MADD: variants seen among roughly 807,000 people sequenced by gnomAD.
The protein encoded by MADD is MAP kinase-activating death domain protein.
MADD carries 109 observed loss-of-function variants against 176.7 expected under a neutral mutation model. The ratio of observed to expected loss-of-function variants is 0.62; its 90% CI spans 0.53 to 0.72. The LOEUF is 0.72. Ranked by LOEUF, MADD falls within the 30% of genes least tolerant of loss-of-function variation. The probability of loss-of-function intolerance (pLI) is 0.00; values close to 1 mark genes in which losing one functional copy is unlikely to be tolerated. For missense variants in MADD, 1,914 were observed against 2,045.5 expected, an observed-to-expected ratio of 0.94 and a Z score of 1.24; for synonymous variants, 771 against 771.3, an observed-to-expected ratio of 1.00 and a Z score of 0.01.
chr11:47,284,871 G>A, intron 12 of MADD, 70 bp from the exon 13 acceptor site: 1 of 1,588,498 alleles, frequency 6.3e-7, no homozygotes, highest in East Asian at 2.2e-5. Context: ...GTCCAGCCCT[G>A]CCAAACTGGG....
chr11:47,283,788 G>T (rs1195642679), intron 10 of MADD, among the ~76,000 whole-genome samples: 1 of 151,854 alleles, frequency 6.6e-6, no homozygotes, highest in South Asian at 2.1e-4. Context: ...GGCCAGGCTG[G>T]TTTCAAACTC....
chr11:47,329,023 C>T, intron 32 of MADD, 23 bp from the exon 37 acceptor site: 2 of 1,563,316 alleles, frequency 1.3e-6, no homozygotes, highest in South Asian at 1.1e-5. Flanking sequence ...GTATCGTGAT[C>T]CGCCTGGTTT....
At chr11:47,292,687 A>C in intron 19 of MADD, 91 bp downstream of exon 21, 2 of 1,308,076 alleles carry the variant, frequency 1.5e-6, no homozygotes, top group Non-Finnish European at 1.1e-6. Context: ...TGTCAGCCCC[A>C]CCCCAAATTT....
At chr11:47,270,625 T>G (rs1441603163) in intron 1 of MADD, 2 of 152,170 alleles carry the variant, frequency 1.3e-5, no homozygotes, top group Non-Finnish European at 2.9e-5. Context: ...TTGCGCCTTA[T>G]TTTTGGCTAG....
exon 33 of MADD, chr11:47,329,181 A>G: frequency 6.5e-7 from 1 of 1,547,032 alleles, no homozygotes; most frequent in South Asian, 1.1e-5. Flanking sequence ...GCCCCAGCCC[A>G]GGGCACGCCC....
chr11:47,284,190 T>C lies in MADD; in HGVS notation c.1875T>C (p.Ser625=), dbSNP rs1052762916. 3 of 1,613,132 alleles carry C rather than the reference T, an allele frequency of 1.9e-6. No individual in the cohort carries two copies. The African/African-American group carries it at 4.0e-5, about 22-fold the overall frequency. ...CTTCACTCTGCAGTGGCAGTGATAG[T>C]ATGGATTATGACGATTCAAGCTCTT... The change falls in exon 11 of 33, where the codon AGT becomes AGC. Residue 625 remains serine (S), a synonymous_variant. Coordinates refer to ENST00000402192, the Ensembl canonical transcript of MADD.
chr11:47,278,228 G>A (rs773680314), exon 6 of MADD: 1 of 1,614,062 alleles, frequency 6.2e-7, no homozygotes, highest in South Asian at 1.1e-5. Context: ...CTACAAACTG[G>A]ACTTCAAAAT....
intron 20 of MADD, among the ~76,000 whole-genome samples, chr11:47,294,390 G>T (rs2068514867): frequency 6.8e-6 from 1 of 147,182 alleles, no homozygotes; most frequent in African/African-American, 2.5e-5. Flanking sequence ...ATAGCCAGGT[G>T]CGGTGGTTCA....
rs186863643 is a variant in MADD at position 47,323,380 on chromosome 11, A to G, written c.4198-291A>G. Among the ~76,000 whole-genome samples the G allele has an allele frequency of 2.5e-3, 386 of 152,042 alleles. 4 individuals are homozygous for G. Among genetic ancestry groups the G allele is most frequent in the African/African-American group, 8.8e-3 (365 of 41,442 alleles). ...GCCACTGCAGTCAAGCCTGGGGTAC[A>G]AAGTGAGACCCTGTCTCAAAAAAAA... is the stretch of plus-strand genomic sequence containing the variant. On this transcript the variant is annotated intron_variant, in intron 27 of 32. Transcript: ENST00000402192.
At chr11:47,282,647 CCTTGT>C (rs2057770830) in intron 9 of MADD, 31 bp downstream of exon 9, 1 of 1,606,698 alleles carries the variant, frequency 6.2e-7, no homozygotes, top group Admixed American at 1.7e-5. Context: ...CTCCGCTCTG[CCTTGT>C]GCCTCTGTCC....
rs549337843 is a variant in MADD, at chr11:47,295,023, T to G, written c.3403-473T>G. ...CATTGTTTTTTGTTTTTTTGTTTTT[T>G]TTTTTGAGACAGGGTCTCATTCTGT... On this transcript the variant is annotated intron_variant, in intron 20 of 32. Transcript: ENST00000402192. 1.6e-3 allele frequency among the ~76,000 whole-genome samples: 244 copies of G among 151,950 alleles called. 1 individual carries two copies. The highest frequency in any genetic ancestry group is 5.8e-3 in the African/African-American group (240 of 41,442).
intron 31 of MADD, chr11:47,328,369 C>A: frequency 7.4e-7 from 1 of 1,344,528 alleles, no homozygotes; most frequent in East Asian, 3.1e-5. Flanking sequence ...CCCGTCCCTC[C>A]CATCCAGGGC....
intron 22 of MADD, among the ~76,000 whole-genome samples, chr11:47,303,562 C>G (rs1379196607): frequency 6.8e-6 from 1 of 147,492 alleles, no homozygotes; most frequent in African/African-American, 2.5e-5. Context: ...TTAGAATTCT[C>G]TCTTTGACTT....
intron 26 of MADD, among the ~76,000 whole-genome samples, chr11:47,314,670 T>TAA (rs2092102390): frequency 6.6e-6 from 1 of 152,180 alleles, no homozygotes; most frequent in African/African-American, 2.4e-5. Context: ...TACGTCTATT[T>TAA]ATCTGAAAAG....
At chr11:47,315,154 A>T in intron 26 of MADD, 66 bp from the exon 30 acceptor site, 1 of 895,330 alleles carries the variant, frequency 1.1e-6, no homozygotes, top group Non-Finnish European at 1.9e-6. Context: ...CTGGATGGGG[A>T]ATTCTTGGCC....
At chr11:47,285,374 T>G (rs2059902303) in intron 13 of MADD, 77 bp from the exon 14 acceptor site, 6 of 1,594,808 alleles carry the variant, frequency 3.8e-6, no homozygotes, top group Non-Finnish European at 5.1e-6. Flanking sequence ...GCAACTGTAG[T>G]ATAGCATAAT....
exon 4 of MADD, chr11:47,276,190 G>A: frequency 1.2e-6 from 2 of 1,607,776 alleles, no homozygotes; most frequent in Non-Finnish European, 8.5e-7. Flanking sequence ...CCTGCATTCT[G>A]TTAGAGCACA....
chr11:47,309,368 G>T (rs773112316), exon 24 of MADD: 1 of 1,614,202 alleles, frequency 6.2e-7, no homozygotes, highest in Non-Finnish European at 8.5e-7. Flanking sequence ...GAAGGGATGG[G>T]TATGGACCAG....
chr11:47,274,792 T>A, exon 3 of MADD: 1 of 1,614,226 alleles, frequency 6.2e-7, no homozygotes, highest in Non-Finnish European at 8.5e-7. Context: ...TGTTAACTTC[T>A]ACCGCTCCTT....
Sources: gnomAD v4.1 joint callset for allele counts (sites outside exome capture counted in the v4.1 genomes callset) on GRCh38, gnomAD v4.1.1 for gene constraint, MANE v1.5 for transcripts, NCBI Gene and HGNC (gene_info 2026-07-23, HGNC 2026-07-21) for gene names.